MCF2L: variants seen among roughly 807,000 people sequenced by gnomAD.
MCF2L encodes guanine nucleotide exchange factor DBS.
A neutral mutation model predicts 153.4 loss-of-function variants in MCF2L; 97 were observed. The observed-to-expected ratio is 0.63, with a 90% confidence interval of 0.54 to 0.75. The LOEUF (loss-of-function observed/expected upper bound fraction) is 0.75. Ranked by LOEUF, MCF2L falls within the 30% of genes least tolerant of loss-of-function variation. MCF2L has a pLI of 0.00. For synonymous variants in MCF2L, 659 were observed against 632.2 expected, an observed-to-expected ratio of 1.04 and a Z score of -0.64; for missense variants, 1,347 against 1,495.2, an observed-to-expected ratio of 0.90 and a Z score of 1.64.
Position 113,096,430 on chromosome 13 carries a change from C to T in MCF2L, c.3135C>T (p.Arg1045=), listed in dbSNP as rs763823250. The T allele has an allele frequency of 6.9e-6, 11 of 1,596,236 alleles. No individual in the cohort carries two copies. The highest frequency in any genetic ancestry group is 1.7e-5 in the Admixed American group (1 of 57,798). The part of the protein sequence containing the change: ...DHEKGGPDAL[R]VRSGDVVELV... ...AGAAGGGAGGCCCCGATGCGCTGCG[C>T]GTGAGGAGCGGGGACGTGGTGGAGC... The change falls in exon 28 of 30, where the codon CGC becomes CGT. Residue 1045 remains arginine, a synonymous_variant. Transcript: ENST00000535094.
At position 113,085,173 on chromosome 13, in the gene MCF2L, C is replaced by G; in HGVS notation, c.2242C>G (p.Leu748Val). The change falls in exon 20 of 30, where the codon CTC becomes GTC. Residue 748 changes from leucine (L) to valine (V), a missense_variant. Physicochemically the swap from Leu to Val is conservative, Grantham distance 32. Transcript: ENST00000535094. ...VQRITKYQLL[L>V]KEMLKYSRNC... is the part of the protein sequence containing the mutation. ...GAGGATCACCAAGTACCAGCTGCTG[C>G]TCAAGGTGGGCTCCGCGGTGACCGT... is the stretch of plus-strand genomic sequence containing the variant. 1 of 1,613,248 alleles carries G rather than the reference C, an allele frequency of 6.2e-7. No individual in the cohort carries two copies. Among genetic ancestry groups the G allele is most frequent in the Admixed American group, 1.7e-5 (1 of 60,024 alleles).
rs1465341844 is a variant in MCF2L at position 112,987,136 on chromosome 13, A to G, written c.79+17678A>G. Among the ~76,000 whole-genome samples, 3 of 152,046 alleles carry G rather than the reference A, an allele frequency of 2.0e-5. No homozygotes were observed. The South Asian group carries it at 6.2e-4, about 32-fold the overall frequency. On this transcript the variant is annotated intron_variant, in intron 1 of 29. Coordinates refer to ENST00000535094, the MANE Select transcript of MCF2L (RefSeq NM_001112732.3). ...AGTGGAGCTGCCTTTCCCTGAAGCC[A>G]TTCCTTCACCCGGCTGCAGGGCCGC... is the stretch of plus-strand genomic sequence containing the variant.
In MCF2L at chr13:112,941,659, G is replaced by A. The variant is rs1038774494; in HGVS notation, c.169+39288G>A. 2.0e-5 allele frequency among the ~76,000 whole-genome samples: 3 copies of A among 152,006 alleles called. No homozygotes were observed. The highest frequency in any genetic ancestry group is 1.3e-4 in the Admixed American group (2 of 15,266). On this transcript the variant is annotated intron_variant, in intron 2 of 29. Transcript: ENST00000375608. This position sits in a 1 kb window ranked among gnomAD's most constrained non-coding sequence, Gnocchi z 4.9. The stretch of plus-strand genomic sequence containing the variant: ...GTGGGCGGCAAGCCACCCAGGTGCC[G>A]AGGCAAGAGACCAAGGGCACGAGCT...
Position 113,074,938 on chromosome 13 carries a change from G to A in MCF2L, c.1117-60G>A. 6.9e-7 allele frequency: 1 copy of A among 1,455,882 alleles called. No homozygotes were observed. The highest frequency in any genetic ancestry group is 9.4e-7 in the Non-Finnish European group (1 of 1,067,430). The allele number at this position is 1,455,882 out of a possible 1,614,324, so 90.2% of individuals were successfully genotyped here. A position where few individuals can be genotyped will look rare whatever the true frequency, so the allele number is the denominator to read the frequency against. ...CCGGGACACACATCCCGTACAGCAA[G>A]GCACTGTGTGCCTCGAACAGAAAGA... On this transcript the variant is annotated intron_variant, in intron 10 of 29. Transcript: ENST00000535094. The surrounding 1 kb of genome is among the most constrained non-coding windows in gnomAD (Gnocchi z 4.2).
chr13:112,905,962 CT>C (rs1299683180), intron 2 of MCF2L, among the ~76,000 whole-genome samples: 1 of 152,350 alleles, frequency 6.6e-6, no homozygotes, highest in African/African-American at 2.4e-5. Context: ...GTGATTCCCC[CT>C]GGTTCTACCT....
chr13:113,079,942 C>T (rs2033945480), intron 15 of MCF2L, among the ~76,000 whole-genome samples: 1 of 147,374 alleles, frequency 6.8e-6, no homozygotes, highest in African/African-American at 2.5e-5. Context: ...GAGGAGTGTC[C>T]ATACCGAGGA....
At chr13:113,029,631 G>A (rs1013868656) in intron 3 of MCF2L, among the ~76,000 whole-genome samples, 3 of 152,190 alleles carry the variant, frequency 2.0e-5, no homozygotes, top group South Asian at 2.1e-4. Flanking sequence ...TACCCTCTGC[G>A]GGGGACCCTC....
At chr13:112,898,347 G>A (rs1354194471) in intron 1 of MCF2L, among the ~76,000 whole-genome samples, 4 of 152,210 alleles carry the variant, frequency 2.6e-5, no homozygotes, top group Non-Finnish European at 5.9e-5. Context: ...GTTGCGGGGC[G>A]TGAGGTGGGC....
intron 2 of MCF2L, among the ~76,000 whole-genome samples, chr13:113,021,861 T>C (rs9577427): frequency 0.18 from 27,617 of 152,178 alleles, 2,673 homozygotes; most frequent in East Asian, 0.29. Flanking sequence ...ATTGAGGCTG[T>C]GGTGGAGCAC....
chr13:113,072,698 T>C (rs2033040790), intron 9 of MCF2L, among the ~76,000 whole-genome samples: 1 of 152,210 alleles, frequency 6.6e-6, no homozygotes, highest in Non-Finnish European at 1.5e-5. Flanking sequence ...TGATATTCCC[T>C]GTTTCATTTC....
chr13:113,015,065 T>G (rs1255319274), intron 2 of MCF2L, among the ~76,000 whole-genome samples: 1 of 152,094 alleles, frequency 6.6e-6, no homozygotes, highest in Non-Finnish European at 1.5e-5. Flanking sequence ...AGGAGGTGGG[T>G]GGAGGAGGGT....
intron 1 of MCF2L, among the ~76,000 whole-genome samples, chr13:113,003,478 G>A (rs750033291): frequency 1.3e-5 from 2 of 151,890 alleles, no homozygotes; most frequent in Non-Finnish European, 2.9e-5. Context: ...GTGGGGCACC[G>A]TGGAAGGCTC....
chr13:113,065,173 T>C, intron 7 of MCF2L, 88 bp downstream of exon 7: 3 of 1,377,514 alleles, frequency 2.2e-6, no homozygotes, highest in Non-Finnish European at 3.1e-6. Flanking sequence ...CTGCGGGGGG[T>C]CTTTCGTCCC....
chr13:113,090,841 C>G, intron 26 of MCF2L: 1 of 1,133,204 alleles, frequency 8.8e-7, no homozygotes, highest in Non-Finnish European at 1.1e-6. Context: ...GCTGCAAACT[C>G]TGCTAGCGCA....
chr13:113,018,091 A>G (rs147241429), intron 2 of MCF2L, among the ~76,000 whole-genome samples: 66 of 152,318 alleles, frequency 4.3e-4, no homozygotes, highest in African/African-American at 1.4e-3. Flanking sequence ...GGTGCCACGC[A>G]GAACCCTACA....
At chr13:113,037,121 T>C (rs945719091) in intron 3 of MCF2L, among the ~76,000 whole-genome samples, 3 of 152,164 alleles carry the variant, frequency 2.0e-5, no homozygotes, top group African/African-American at 7.2e-5. Context: ...GAAGAATTCC[T>C]CTCGACTAAC....
chr13:113,078,523 G>C, intron 14 of MCF2L, 87 bp downstream of exon 14: 2 of 1,402,270 alleles, frequency 1.4e-6, no homozygotes, highest in Non-Finnish European at 9.9e-7. Context: ...CCCCCCTCCC[G>C]GGCACTGCCC....
Position 112,935,552 on chromosome 13 carries a change from C to T in MCF2L, c.169+33181C>T, listed in dbSNP as rs1002708441. Among the ~76,000 whole-genome samples the T allele has an allele frequency of 3.0e-4, 45 of 152,170 alleles. 1 individual carries two copies. On this transcript the variant is annotated intron_variant, in intron 2 of 29. Transcript: ENST00000375608. ...GAATACAGGCGTGAGCCACCACACCCGACCCCATACTTCATTTTAAGGTAG... is the reference window on the plus strand; with the variant it reads ...GAATACAGGCGTGAGCCACCACACCTGACCCCATACTTCATTTTAAGGTAG...
intron 1 of MCF2L, among the ~76,000 whole-genome samples, chr13:113,000,017 C>G (rs1235247790): frequency 2.6e-5 from 4 of 151,710 alleles, no homozygotes; most frequent in African/African-American, 9.7e-5. Context: ...CGCCGGCAGG[C>G]CCCAGAGTGG....
Sources: gnomAD v4.1 joint callset for allele counts (sites outside exome capture counted in the v4.1 genomes callset) on GRCh38, gnomAD v4.1.1 for gene constraint, Gnocchi (gnomAD v3.1) non-coding constraint, MANE v1.5 for transcripts, NCBI Gene and HGNC (gene_info 2026-07-23, HGNC 2026-07-21) for gene names.